The following BCL2L13 variants were observed in gnomAD, a reference collection of about 807,000 sequenced individuals.
BCL2L13 encodes bcl-2-like protein 13.
In BCL2L13, 13 loss-of-function variants were observed where a neutral mutation model predicts 25.8. The ratio of observed to expected loss-of-function variants is 0.50; its 90% confidence interval spans 0.33 to 0.80. The LOEUF (loss-of-function observed/expected upper bound fraction) is 0.80, where lower values mean the gene tolerates loss of function less well. BCL2L13 is among the 30% of genes least tolerant of loss of function. BCL2L13 has a pLI of 0.02. For missense variants in BCL2L13, 504 were observed against 574.9 expected (o/e 0.88, Z 1.26); for synonymous variants, 244 against 230.3 (o/e 1.06, Z -0.54).
intron 6 of BCL2L13, among the ~76,000 whole-genome samples, chr22:17,721,198 C>T (rs2145819661): frequency 6.6e-6 from 1 of 151,940 alleles, no homozygotes; most frequent in Admixed American, 6.6e-5. Flanking sequence ...TATATTTCCA[C>T]GTGCCCCACG....
intron 4 of BCL2L13, among the ~76,000 whole-genome samples, chr22:17,693,959 T>C (rs1301234231): frequency 6.6e-6 from 1 of 151,452 alleles, no homozygotes; most frequent in African/African-American, 2.4e-5. Context: ...GGTTTCACCA[T>C]GTTGGTCAGG....
At chr22:17,722,186 T>C (rs2061157206) in intron 6 of BCL2L13, among the ~76,000 whole-genome samples, 2 of 152,190 alleles carry the variant, frequency 1.3e-5, no homozygotes, top group African/African-American at 4.8e-5. Flanking sequence ...TGACCTTATA[T>C]ATCTAGTTCT....
chr22:17,648,743 G>A (rs1031576430), intron 1 of BCL2L13, among the ~76,000 whole-genome samples: 3 of 152,030 alleles, frequency 2.0e-5, no homozygotes, highest in African/African-American at 7.3e-5. Context: ...TGAAATTCAT[G>A]ATTAAGATTG....
At chr22:17,681,952 G>A (rs1408408817) in intron 2 of BCL2L13, among the ~76,000 whole-genome samples, 1 of 152,116 alleles carries the variant, frequency 6.6e-6, no homozygotes, top group African/African-American at 2.4e-5. Context: ...ATGAGCATAT[G>A]TGTATATACA....
rs1448828953 is a variant in BCL2L13 at position 17,727,777 on chromosome 22, C to T, written c.*243C>T. On this transcript the variant is annotated 3_prime_UTR_variant, in exon 7 of 7. Coordinates refer to ENST00000317582, the MANE Select transcript of BCL2L13 (RefSeq NM_015367.4). ...TTGAGAATCTTAGGGGTAAAGCACC[C>T]CCTCCAGGACCGGGTTTCTCAGCCT... 2.3e-5 allele frequency: 13 copies of T among 563,322 alleles called. No individual in the cohort carries two copies. The highest frequency in any genetic ancestry group is 3.4e-5 in the Non-Finnish European group (11 of 319,788). 34.9% of individuals were successfully genotyped at this position (563,322 alleles called of 1,614,324 possible).
At chr22:17,654,484 G>A (rs985395508) in intron 1 of BCL2L13, among the ~76,000 whole-genome samples, 4 of 151,412 alleles carry the variant, frequency 2.6e-5, no homozygotes, top group Non-Finnish European at 4.4e-5. Flanking sequence ...GTGCAGTGGC[G>A]TGATCTCGGC....
At chr22:17,709,667 C>T (rs1347254750) in intron 6 of BCL2L13, among the ~76,000 whole-genome samples, 2 of 152,116 alleles carry the variant, frequency 1.3e-5, no homozygotes, top group African/African-American at 2.4e-5. Context: ...TTCCTGTAAT[C>T]CCAACTACTC....
chr22:17,699,796 T>C (rs1303135621), intron 5 of BCL2L13, among the ~76,000 whole-genome samples: 2 of 152,140 alleles, frequency 1.3e-5, no homozygotes, highest in Non-Finnish European at 2.9e-5. Context: ...GCAGATTATG[T>C]AAAATTCTTG....
chr22:17,690,745 A>C (rs928597298), intron 4 of BCL2L13, among the ~76,000 whole-genome samples: 3 of 152,178 alleles, frequency 2.0e-5, no homozygotes, highest in Admixed American at 6.5e-5. Flanking sequence ...CAACCTGGGC[A>C]ACAGAGCAAG....
intron 1 of BCL2L13, among the ~76,000 whole-genome samples, chr22:17,641,582 C>A (rs765519561): frequency 2.0e-5 from 3 of 152,040 alleles, no homozygotes; most frequent in Non-Finnish European, 4.4e-5. Context: ...TACAACTCAC[C>A]ATTGTACAAT....
rs1296114946 is a variant in BCL2L13, at chr22:17,727,116, C to T, written c.1040C>T (p.Pro347Leu). 3.7e-6 allele frequency: 6 copies of T among 1,614,090 alleles called. No homozygotes were observed. The highest frequency in any genetic ancestry group is 4.2e-6 in the Non-Finnish European group (5 of 1,180,054). ...CCTGAAGCCCCAGCTCCCTTGCTTCCACATATCACTGCCACCTCCCTGCTG... is the reference window on the plus strand; with the variant it reads ...CCTGAAGCCCCAGCTCCCTTGCTTCTACATATCACTGCCACCTCCCTGCTG... ...ALPEAPAPLL[P>L]HITATSLLGT... is the part of the protein sequence containing the mutation. The change falls in exon 7 of 7, where the codon CCA becomes CTA. Residue 347 changes from proline to leucine, a missense_variant. Physicochemically the swap from Pro to Leu is moderately conservative, Grantham distance 98. Transcript: ENST00000317582.
chr22:17,727,344 A>C lies in BCL2L13; in HGVS notation c.1268A>C (p.Glu423Ala). The C allele has an allele frequency of 6.2e-7, 1 of 1,614,230 alleles. No individual in the cohort carries two copies. The highest frequency in any genetic ancestry group is 2.2e-5 in the East Asian group (1 of 44,886). The part of the protein sequence containing the change: ...EINAREESLV[E>A]ELSPASEKKP... ...AACGCAAGGGAAGAGAGCCTTGTGG[A>C]AGAGCTGTCCCCTGCCAGCGAGAAG... The change falls in exon 7 of 7, where the codon GAA (glutamate) becomes GCA (alanine). Residue 423 changes from glutamate to alanine, a missense_variant. Transcript: ENST00000317582.
chr22:17,705,412 C>A (rs2060562784), intron 6 of BCL2L13, among the ~76,000 whole-genome samples: 1 of 151,594 alleles, frequency 6.6e-6, no homozygotes, highest in Non-Finnish European at 1.5e-5. Flanking sequence ...ATTCTCCTGC[C>A]TCAGCCTCCC....
At position 17,648,515 on chromosome 22, in the gene BCL2L13, TAGTG is replaced by T. The variant is rs545146024; in HGVS notation, c.-50-7144_-50-7141del. On this transcript the variant is annotated intron_variant, in intron 1 of 6. Transcript: ENST00000317582. ...GAGTTTGACACCAGCTGGGGCAACA[TAGTG>T]AGACTCCATCGCTACAAAAAATTTA... Among the ~76,000 whole-genome samples, 427 of 152,016 alleles carry T rather than the reference TAGTG, an allele frequency of 2.8e-3. 3 individuals are homozygous for T. Among genetic ancestry groups the T allele is most frequent in the South Asian group, 0.021 (101 of 4,818 alleles).
intron 2 of BCL2L13, among the ~76,000 whole-genome samples, chr22:17,674,697 C>T (rs2059525898): frequency 6.6e-6 from 1 of 151,962 alleles, no homozygotes; most frequent in Admixed American, 6.6e-5. Flanking sequence ...GATTATAGCA[C>T]ACTATGGCCT....
chr22:17,710,738 G>A (rs975685697), intron 6 of BCL2L13, among the ~76,000 whole-genome samples: 20 of 151,872 alleles, frequency 1.3e-4, no homozygotes, highest in African/African-American at 3.1e-4. Flanking sequence ...TTAGCCGGGC[G>A]TGGTGGTGGG....
intron 3 of BCL2L13, among the ~76,000 whole-genome samples, chr22:17,685,100 C>G (rs2059884923): frequency 6.6e-6 from 1 of 152,130 alleles, no homozygotes; most frequent in African/African-American, 2.4e-5. Flanking sequence ...TCTTGAACTC[C>G]TGACCTCAGG....
At chr22:17,630,880 C>T (rs905171232) in intron 1 of BCL2L13, among the ~76,000 whole-genome samples, 5 of 152,078 alleles carry the variant, frequency 3.3e-5, no homozygotes, top group African/African-American at 7.2e-5. Flanking sequence ...CGTGAGCCAC[C>T]GCGCCCAGCC....
chr22:17,646,920 G>A (rs373022675), intron 1 of BCL2L13, among the ~76,000 whole-genome samples: 8 of 39,182 alleles, frequency 2.0e-4, no homozygotes, highest in Admixed American at 1.2e-3. Context: ...GTGTGTGTGT[G>A]TGTATAAACT....
Sources: allele counts gnomAD v4.1 joint callset (sites outside exome capture counted in the v4.1 genomes callset), GRCh38; gene constraint gnomAD v4.1.1; transcripts MANE v1.5; gene names NCBI Gene and HGNC (gene_info 2026-07-23, HGNC 2026-07-21).